Variants in ATP13A3 observed in about 807,000 individuals in gnomAD.
ATP13A3 encodes the protein ATPase 13A3, also known as polyamine-transporting ATPase 13A3.
Under a neutral mutation model 158.1 loss-of-function variants are expected in ATP13A3, and 59 were observed. That is an observed-to-expected ratio of 0.37 (90% CI 0.30 to 0.46). ATP13A3 has a LOEUF of 0.46. ATP13A3 is among the 20% of genes least tolerant of loss of function. The pLI is 1.00. For missense variants in ATP13A3, 1,166 were observed against 1,525.2 expected, an observed-to-expected ratio of 0.76 and a Z score of 3.92; for synonymous variants, 491 against 504.3, an observed-to-expected ratio of 0.97 and a Z score of 0.35.
At chr3:194,436,583 G>A (rs1297730424) in intron 20 of ATP13A3, among the ~76,000 whole-genome samples, 2 of 152,220 alleles carry the variant, frequency 1.3e-5, no homozygotes, top group African/African-American at 4.8e-5. Context: ...AAAACATGAT[G>A]TTACAATAAC....
chr3:194,441,228 C>A, intron 16 of ATP13A3, 83 bp downstream of exon 16: 1 of 1,160,094 alleles, frequency 8.6e-7, no homozygotes. Flanking sequence ...AAACAAAAAG[C>A]AGAAATAATC....
At chr3:194,413,669 T>C in intron 32 of ATP13A3, 90 bp downstream of exon 32, 2 of 1,154,384 alleles carry the variant, frequency 1.7e-6, no homozygotes, top group Non-Finnish European at 2.6e-6. Flanking sequence ...GGCTTTCCAT[T>C]ATATTACCTG....
At chr3:194,443,549 ATATAAT>A (rs1718191739) in intron 15 of ATP13A3, among the ~76,000 whole-genome samples, 1 of 152,212 alleles carries the variant, frequency 6.6e-6, no homozygotes, top group Non-Finnish European at 1.5e-5. Flanking sequence ...GTATAGAGCT[ATATAAT>A]TATAAGACAA....
At chr3:194,422,198 A>G (rs1241136942) in intron 30 of ATP13A3, among the ~76,000 whole-genome samples, 1 of 152,224 alleles carries the variant, frequency 6.6e-6, no homozygotes, top group Non-Finnish European at 1.5e-5. Context: ...TGGCAGACAT[A>G]CAACCATACC....
At chr3:194,473,052 C>T (rs1720378944) in intron 2 of ATP13A3, among the ~76,000 whole-genome samples, 3 of 152,142 alleles carry the variant, frequency 2.0e-5, no homozygotes, top group Admixed American at 1.3e-4. Context: ...TGCTTACTAC[C>T]TGGTTGATGG....
chr3:194,483,126 T>G (rs937648894), intron 2 of ATP13A3, among the ~76,000 whole-genome samples: 2 of 151,642 alleles, frequency 1.3e-5, no homozygotes, highest in South Asian at 4.2e-4. Flanking sequence ...AAAAAAATTT[T>G]TTTTTAAATT....
intron 33 of ATP13A3, among the ~76,000 whole-genome samples, chr3:194,410,937 G>GGTGTGTGTGTGT (rs34952393): frequency 2.1e-4 from 27 of 127,280 alleles, no homozygotes; most frequent in African/African-American, 6.2e-4. Context: ...GGGGTGTTGG[G>GGTGTGTGTGTGT]GTGTGTGTGT....
intron 2 of ATP13A3, among the ~76,000 whole-genome samples, chr3:194,464,580 T>A (rs1348033984): frequency 6.6e-6 from 1 of 152,196 alleles, no homozygotes; most frequent in Non-Finnish European, 1.5e-5. Context: ...TCGGCTATCA[T>A]CACCTGAATG....
intron 24 of ATP13A3, 112 bp downstream of exon 24, chr3:194,430,831 A>T (rs780444006): frequency 1.3e-6 from 1 of 744,088 alleles, no homozygotes; most frequent in Non-Finnish European, 2.0e-6. Context: ...TCACAATTAT[A>T]TATATAAATA....
At chr3:194,465,873 T>A (rs1431378786) in intron 2 of ATP13A3, among the ~76,000 whole-genome samples, 1 of 151,328 alleles carries the variant, frequency 6.6e-6, no homozygotes, top group Non-Finnish European at 1.5e-5. Context: ...TCCCAGCTAC[T>A]CAGGAGGGTG....
Position 194,433,621 on chromosome 3 carries a change from G to A in ATP13A3, c.2245+151C>T, listed in dbSNP as rs115731252. The A allele has an allele frequency of 4.5e-3, 4,143 of 929,112 alleles. 134 individuals carry two copies. In the African/African-American group the frequency reaches 0.063, roughly 14 times the overall value. The allele number at this position is 929,112 out of a possible 1,614,324, so 57.6% of individuals were successfully genotyped here. A position where few individuals can be genotyped will look rare whatever the true frequency, so the allele number is the denominator to read the frequency against. ...AAAGAATATGACAAAGTTATCTTGC[G>A]CTTGGGAAAATATTCAGAGCTAAAA... On this transcript the variant is annotated intron_variant, in intron 21 of 33. Transcript: ENST00000645319.
At chr3:194,476,974 C>T (rs1720554920) in intron 2 of ATP13A3, among the ~76,000 whole-genome samples, 1 of 152,124 alleles carries the variant, frequency 6.6e-6, no homozygotes, top group Non-Finnish European at 1.5e-5. Context: ...GACTCTGGCC[C>T]CGCCTAGTTG....
intron 20 of ATP13A3, among the ~76,000 whole-genome samples, chr3:194,434,826 G>A (rs2108834966): frequency 6.6e-6 from 1 of 152,300 alleles, no homozygotes; most frequent in East Asian, 1.9e-4. Flanking sequence ...GGCTTGAGGA[G>A]TGAGGATCAT....
chr3:194,443,224 A>G (rs1718171239), intron 15 of ATP13A3, among the ~76,000 whole-genome samples: 1 of 152,200 alleles, frequency 6.6e-6, no homozygotes, highest in South Asian at 2.1e-4. Flanking sequence ...AAGGGAGGAG[A>G]ATAACCAAAA....
At chr3:194,440,376 A>G (rs1465756373) in intron 16 of ATP13A3, among the ~76,000 whole-genome samples, 1 of 152,224 alleles carries the variant, frequency 6.6e-6, no homozygotes, top group Non-Finnish European at 1.5e-5. Context: ...ATTCCAGAGT[A>G]CAGAGCTCCA....
At chr3:194,433,462 C>A (rs1717390716) in intron 21 of ATP13A3, among the ~76,000 whole-genome samples, 1 of 152,048 alleles carries the variant, frequency 6.6e-6, no homozygotes, top group Non-Finnish European at 1.5e-5. Context: ...CCAGGATGGT[C>A]TCAATCTCCT....
intron 15 of ATP13A3, 44 bp downstream of exon 15, chr3:194,444,681 A>G (rs1718277881): frequency 6.7e-7 from 1 of 1,490,834 alleles, no homozygotes; most frequent in Non-Finnish European, 9.1e-7. Context: ...ATGTTAAAAT[A>G]TTAAAAATAA....
At chr3:194,480,329 G>A (rs59302610) in intron 2 of ATP13A3, among the ~76,000 whole-genome samples, 3,359 of 152,080 alleles carry the variant, frequency 0.022, 115 homozygotes, top group African/African-American at 0.077. Flanking sequence ...CCCTCTCCCA[G>A]GACATAAGAC....
At chr3:194,420,059 A>T in intron 30 of ATP13A3, 92 bp from the exon 31 acceptor site, 1 of 1,349,932 alleles carries the variant, frequency 7.4e-7, no homozygotes, top group Non-Finnish European at 9.6e-7. Flanking sequence ...GTCATTTGTA[A>T]ATTTGGTTTT....
Sources: gnomAD v4.1 joint callset for allele counts (sites outside exome capture counted in the v4.1 genomes callset) on GRCh38, gnomAD v4.1.1 for gene constraint, MANE v1.5 for transcripts, NCBI Gene and HGNC (gene_info 2026-07-23, HGNC 2026-07-21) for gene names.